The following UNC13C variants were observed in gnomAD, a reference collection of about 807,000 sequenced individuals.
The protein encoded by UNC13C is protein unc-13 homolog C.
UNC13C carries 174 observed loss-of-function variants against 245.4 expected under a neutral mutation model. That is an observed-to-expected ratio of 0.71 (90% CI 0.63 to 0.80). UNC13C has a LOEUF of 0.80. UNC13C is among the 30% of genes least tolerant of loss of function. UNC13C has a pLI of 0.00. For synonymous variants in UNC13C, 992 were observed against 895.1 expected (o/e 1.11, Z -1.93); for missense variants, 2,829 against 2,602.9 (o/e 1.09, Z -1.89).
the UNC13C span, among the ~76,000 whole-genome samples, chr15:53,971,643 A>G: frequency 6.6e-6 from 1 of 152,184 alleles, no homozygotes; most frequent in Admixed American, 6.5e-5. Context: ...AGAGTAGAAG[A>G]TCTTTCTGGA....
At chr15:53,866,668 G>A in the UNC13C span, among the ~76,000 whole-genome samples, 3 of 152,106 alleles carry the variant, frequency 2.0e-5, no homozygotes, top group Non-Finnish European at 1.5e-5. Flanking sequence ...TCGAATCTTC[G>A]AGGCACAGAA....
At chr15:54,075,102 A>G (rs1431067922) in intron 2 of UNC13C, among the ~76,000 whole-genome samples, 1 of 152,156 alleles carries the variant, frequency 6.6e-6, no homozygotes, top group East Asian at 1.9e-4. Flanking sequence ...AATATCTTCT[A>G]TCACTCAAAG....
At chr15:53,925,560 GT>G in the UNC13C span, among the ~76,000 whole-genome samples, 1 of 152,180 alleles carries the variant, frequency 6.6e-6, no homozygotes, top group East Asian at 1.9e-4. Context: ...GGATAGAAGT[GT>G]GTTTGCATGT....
chr15:54,164,050 C>A (rs1388290315), intron 4 of UNC13C, among the ~76,000 whole-genome samples: 1 of 151,994 alleles, frequency 6.6e-6, no homozygotes, highest in Non-Finnish European at 1.5e-5. Flanking sequence ...GGTAACTCTG[C>A]AAAATGATGC....
chr15:54,153,251 TATAAA>T (rs1454629767), intron 4 of UNC13C, among the ~76,000 whole-genome samples: 2 of 152,102 alleles, frequency 1.3e-5, no homozygotes, highest in African/African-American at 4.8e-5. Flanking sequence ...TTAGAAAGAA[TATAAA>T]ATAAAATAAT....
chr15:53,868,779 A>G, the UNC13C span, among the ~76,000 whole-genome samples: 7 of 152,148 alleles, frequency 4.6e-5, no homozygotes, highest in Non-Finnish European at 8.8e-5. Flanking sequence ...AGGTATGGAG[A>G]TGTCATTTGA....
At chr15:53,969,858 G>A in the UNC13C span, among the ~76,000 whole-genome samples, 2 of 151,896 alleles carry the variant, frequency 1.3e-5, no homozygotes, top group Non-Finnish European at 2.9e-5. Context: ...CCCATTACCT[G>A]ACTTTCTGTT....
At chr15:54,592,075 G>T (rs1044563776) in intron 30 of UNC13C, among the ~76,000 whole-genome samples, 2 of 152,074 alleles carry the variant, frequency 1.3e-5, no homozygotes, top group Non-Finnish European at 1.5e-5. Context: ...TCAGGAGCAG[G>T]TTATTTAATT....
chr15:54,317,321 A>G (rs565052156), intron 13 of UNC13C, among the ~76,000 whole-genome samples: 3 of 152,026 alleles, frequency 2.0e-5, no homozygotes, highest in South Asian at 2.1e-4. Flanking sequence ...ACTTATTTAC[A>G]TGACGTTTCC....
At chr15:54,005,740 C>T (rs886759565) in intron 1 of UNC13C, among the ~76,000 whole-genome samples, 1 of 152,066 alleles carries the variant, frequency 6.6e-6, no homozygotes, top group African/African-American at 2.4e-5. Context: ...TGATTTGGAA[C>T]AGATTAGGTG....
intron 1 of UNC13C, among the ~76,000 whole-genome samples, chr15:54,007,532 T>C (rs939580261): frequency 2.6e-5 from 4 of 152,150 alleles, no homozygotes; most frequent in Non-Finnish European, 4.4e-5. Context: ...ACACTGCATC[T>C]TCTCACTCAT....
chr15:54,478,181 C>G (rs1412375557), intron 19 of UNC13C, among the ~76,000 whole-genome samples: 2 of 150,720 alleles, frequency 1.3e-5, no homozygotes, highest in Admixed American at 1.3e-4. Context: ...TTTATTGCAT[C>G]TATTTGATTC....
chr15:54,503,518 C>T (rs753704052), intron 22 of UNC13C, among the ~76,000 whole-genome samples: 5 of 151,628 alleles, frequency 3.3e-5, no homozygotes, highest in Non-Finnish European at 7.4e-5. Context: ...GCAACCTTCA[C>T]CTCCCGGGTT....
At chr15:54,630,373 CTT>C (rs773051636), downstream of UNC13C, 5 of 152,010 alleles carry the variant, frequency 3.3e-5, no homozygotes, top group Non-Finnish European at 5.9e-5. Context: ...AACTTAATGT[CTT>C]TTATTTGGTC....
intron 4 of UNC13C, among the ~76,000 whole-genome samples, chr15:54,163,468 A>G (rs1335729588): frequency 6.6e-6 from 1 of 152,234 alleles, no homozygotes; most frequent in Non-Finnish European, 1.5e-5. Flanking sequence ...GTAAACTAAT[A>G]TATTCTCCAT....
chr15:54,273,053 G>T (rs1248164341), intron 10 of UNC13C, among the ~76,000 whole-genome samples: 1 of 152,088 alleles, frequency 6.6e-6, no homozygotes, highest in African/African-American at 2.4e-5. Flanking sequence ...AGCAGTTGGG[G>T]GTACAAACAG....
the UNC13C span, among the ~76,000 whole-genome samples, chr15:53,895,448 T>C: frequency 6.6e-6 from 1 of 151,852 alleles, no homozygotes; most frequent in Admixed American, 6.6e-5. Flanking sequence ...GGTCTACTAC[T>C]GCGTAAATCT....
the UNC13C span, among the ~76,000 whole-genome samples, chr15:53,942,391 G>A: frequency 6.6e-6 from 1 of 152,060 alleles, no homozygotes; most frequent in East Asian, 1.9e-4. Context: ...CACATACACT[G>A]GGCCTGTTGG....
chr15:53,921,097 G>A, the UNC13C span, among the ~76,000 whole-genome samples: 3 of 151,950 alleles, frequency 2.0e-5, no homozygotes, highest in Non-Finnish European at 4.4e-5. Flanking sequence ...GGAGGGGAAA[G>A]GCTCATTGCA....
Sources: gnomAD v4.1 joint callset for allele counts (sites outside exome capture counted in the v4.1 genomes callset) on GRCh38, gnomAD v4.1.1 for gene constraint, MANE v1.5 for transcripts, NCBI Gene and HGNC (gene_info 2026-07-23, HGNC 2026-07-21) for gene names.